The following LHFPL2 variants were observed in gnomAD, a reference collection of about 807,000 sequenced individuals.
LHFPL2 encodes the protein LHFPL tetraspan subfamily member 2 protein.
LHFPL2 carries 7 observed loss-of-function variants against 17.5 expected under a neutral mutation model. The ratio of observed to expected loss-of-function variants is 0.40; its 90% CI spans 0.23 to 0.75. The LOEUF (loss-of-function observed/expected upper bound fraction) is 0.75. Among genes scored for constraint, LHFPL2 ranks in the 30% least tolerant of loss-of-function variants. The pLI is 0.37. For synonymous variants in LHFPL2, 134 were observed against 116.2 expected (o/e 1.15, Z -0.99); for missense variants, 241 against 294.8 (o/e 0.82, Z 1.34).
chr5:78,630,058 G>A (rs142502351), intron 2 of LHFPL2, among the ~76,000 whole-genome samples: 14 of 152,170 alleles, frequency 9.2e-5, no homozygotes, highest in African/African-American at 3.1e-4. Flanking sequence ...TTCAACTAGC[G>A]ACCTCTGTGA....
At chr5:78,637,390 G>A (rs13183950) in intron 1 of LHFPL2, among the ~76,000 whole-genome samples, 1 of 151,530 alleles carries the variant, frequency 6.6e-6, no homozygotes, top group African/African-American at 2.4e-5. Flanking sequence ...AACTAGCTTG[G>A]GGGGAGGGGG....
chr5:78,491,308 G>A (rs1471125314), intron 4 of LHFPL2: 4 of 152,378 alleles, frequency 2.6e-5, no homozygotes, highest in African/African-American at 9.7e-5. Flanking sequence ...CCTCTCTATA[G>A]ATCTGAATGG....
intron 2 of LHFPL2, among the ~76,000 whole-genome samples, chr5:78,586,498 T>C (rs1447758874): frequency 6.6e-6 from 1 of 152,228 alleles, no homozygotes; most frequent in African/African-American, 2.4e-5. Context: ...ACAGCTGGTA[T>C]ACCACAGGCT....
chr5:78,516,813 C>T (rs563068273), intron 3 of LHFPL2, among the ~76,000 whole-genome samples: 1 of 152,326 alleles, frequency 6.6e-6, no homozygotes, highest in African/African-American at 2.4e-5. Flanking sequence ...ACCTTGTGCC[C>T]TTGAGCCTGT....
intron 1 of LHFPL2, chr5:78,644,546 A>G: frequency 1.9e-6 from 1 of 535,926 alleles, no homozygotes. Flanking sequence ...AACAAGAAAA[A>G]GGCCAGAGGA....
At chr5:78,551,558 T>G (rs533522030) in intron 3 of LHFPL2, among the ~76,000 whole-genome samples, 1 of 152,030 alleles carries the variant, frequency 6.6e-6, no homozygotes, top group Non-Finnish European at 1.5e-5. Flanking sequence ...AGCTATTCAA[T>G]CAGAAATAAA....
At chr5:78,514,090 CAG>C (rs1561315622) in intron 3 of LHFPL2, among the ~76,000 whole-genome samples, 2 of 152,178 alleles carry the variant, frequency 1.3e-5, no homozygotes, top group African/African-American at 4.8e-5. Context: ...TTATTAACCA[CAG>C]GGATACGAGG....
intron 3 of LHFPL2, among the ~76,000 whole-genome samples, chr5:78,519,047 C>A (rs1196683098): frequency 4.9e-5 from 6 of 122,910 alleles, no homozygotes; most frequent in Admixed American, 8.1e-5. Context: ...CAGGGGAAGT[C>A]TGTCCCATTC....
intron 3 of LHFPL2, among the ~76,000 whole-genome samples, chr5:78,514,998 G>A (rs777993415): frequency 1.1e-4 from 17 of 152,244 alleles, no homozygotes; most frequent in African/African-American, 3.1e-4. Flanking sequence ...AAAATGAGTT[G>A]CAGATGTTCT....
At chr5:78,635,631 T>A (rs938311451) in intron 1 of LHFPL2, among the ~76,000 whole-genome samples, 1 of 152,068 alleles carries the variant, frequency 6.6e-6, no homozygotes, top group African/African-American at 2.4e-5. Flanking sequence ...TGAAACCCCG[T>A]CTCTACTAAA....
chr5:78,491,091 T>C, intron 4 of LHFPL2: 1 of 152,368 alleles, frequency 6.6e-6, no homozygotes, highest in South Asian at 2.1e-4. Flanking sequence ...ATCACAACTT[T>C]CACAGTGGTC....
intron 2 of LHFPL2, among the ~76,000 whole-genome samples, chr5:78,610,003 G>C (rs1184121521): frequency 6.6e-6 from 1 of 152,106 alleles, no homozygotes; most frequent in Non-Finnish European, 1.5e-5. Flanking sequence ...GCATTAATGG[G>C]AATCACCTAC....
intron 2 of LHFPL2, among the ~76,000 whole-genome samples, chr5:78,573,918 A>T (rs1405359206): frequency 1.3e-5 from 2 of 152,200 alleles, no homozygotes; most frequent in Admixed American, 1.3e-4. Flanking sequence ...GTATAATAGG[A>T]ATGAACACTT....
chr5:78,521,906 G>A (rs1580771360), intron 3 of LHFPL2, among the ~76,000 whole-genome samples: 1 of 152,134 alleles, frequency 6.6e-6, no homozygotes. Flanking sequence ...CTGGCTATGC[G>A]GAGGAGAGCA....
In LHFPL2 at chr5:78,515,241, G is replaced by GTAT. The variant is rs1191301644; in HGVS notation, c.-185-4844_-185-4843insATA. Reference sequence around the variant, plus strand: ...CATTTGATTAGGTTCTTTTAGTCAAGAATAGTCTTCCCACCCAACCTATTC... The same window carrying GTAT: ...CATTTGATTAGGTTCTTTTAGTCAAGTATAATAGTCTTCCCACCCAACCTATTC... On this transcript the variant is annotated intron_variant, in intron 3 of 4. Coordinates refer to ENST00000380345, the MANE Select transcript of LHFPL2 (RefSeq NM_005779.3). Among the ~76,000 whole-genome samples the GTAT allele has an allele frequency of 8.3e-5, 5 of 60,380 alleles. No homozygotes were observed. In the East Asian group the frequency reaches 2.7e-3, roughly 32 times the overall value. The allele number at this position is 60,380 out of a possible 152,430, so 39.6% of individuals were successfully genotyped here. A position where few individuals can be genotyped will look rare whatever the true frequency, so the allele number is the denominator to read the frequency against.
chr5:78,605,527 C>A (rs1158021572), intron 2 of LHFPL2, among the ~76,000 whole-genome samples: 3 of 152,158 alleles, frequency 2.0e-5, no homozygotes, highest in Admixed American at 6.5e-5. Flanking sequence ...TTATTACCAA[C>A]CCCATGACCA....
intron 3 of LHFPL2, among the ~76,000 whole-genome samples, chr5:78,545,647 T>A (rs1177831094): frequency 2.0e-5 from 3 of 152,214 alleles, no homozygotes; most frequent in African/African-American, 7.2e-5. Flanking sequence ...CACCTGGATG[T>A]GCTGTGAAAT....
At chr5:78,530,205 AAT>A (rs1755740293) in intron 3 of LHFPL2, among the ~76,000 whole-genome samples, 1 of 152,362 alleles carries the variant, frequency 6.6e-6, no homozygotes, top group South Asian at 2.1e-4. Context: ...TAATTTAAAA[AAT>A]GAGTTTCTCT....
In LHFPL2 at chr5:78,549,722, T is replaced by C. The variant is rs1756385959; in HGVS notation, c.-186+15091A>G. On this transcript the variant is annotated intron_variant, in intron 3 of 4. Coordinates refer to ENST00000380345, the MANE Select transcript of LHFPL2 (RefSeq NM_005779.3). ...GGAAAGTCTGGTCATGAGTTCTGGA[T>C]TTTTAGAACAGTTCCAGTTGAATAT... 2.0e-5 allele frequency among the ~76,000 whole-genome samples: 3 copies of C among 152,356 alleles called. No homozygotes were observed. In the South Asian group the frequency reaches 6.2e-4, roughly 32 times the overall value.
Sources: gnomAD v4.1 joint callset for allele counts (sites outside exome capture counted in the v4.1 genomes callset) on GRCh38, gnomAD v4.1.1 for gene constraint, MANE v1.5 for transcripts, NCBI Gene and HGNC (gene_info 2026-07-23, HGNC 2026-07-21) for gene names.